CTDSPL2: variants seen among roughly 807,000 people sequenced by gnomAD.
CTDSPL2 encodes CTD small phosphatase like 2, also known as CTD small phosphatase-like protein 2.
Under a neutral mutation model 60.0 loss-of-function variants are expected in CTDSPL2, and 5 were observed. The observed-to-expected ratio is 0.08, with a 90% CI of 0.04 to 0.18. CTDSPL2 has a LOEUF of 0.18. Among genes scored for constraint, CTDSPL2 ranks in the 10% least tolerant of loss-of-function variants. The pLI is 1.00. For synonymous variants in CTDSPL2, 186 were observed against 189.3 expected (o/e 0.98, Z 0.14); for missense variants, 370 against 548.8 (o/e 0.67, Z 3.26).
At chr15:44,454,365 A>G (rs967357920) in intron 1 of CTDSPL2, among the ~76,000 whole-genome samples, 1 of 152,020 alleles carries the variant, frequency 6.6e-6, no homozygotes, top group African/African-American at 2.4e-5. Flanking sequence ...TTTTTCTCCC[A>G]TTCTGTAGGT....
intron 2 of CTDSPL2, among the ~76,000 whole-genome samples, chr15:44,478,258 G>C (rs1289633072): frequency 6.6e-6 from 1 of 151,290 alleles, no homozygotes; most frequent in Non-Finnish European, 1.5e-5. Flanking sequence ...GACCAGCCTG[G>C]CCAATATGGT....
chr15:44,519,538 A>G (rs1595783051), intron 11 of CTDSPL2: 1 of 321,716 alleles, frequency 3.1e-6, no homozygotes. Context: ...GATAAGCATC[A>G]TTGAATAGCA....
intron 8 of CTDSPL2, among the ~76,000 whole-genome samples, chr15:44,511,791 C>G (rs2081570025): frequency 2.1e-5 from 3 of 144,292 alleles, no homozygotes; most frequent in African/African-American, 7.9e-5. Context: ...TTGCTTGAAC[C>G]TGGGAGGCAG....
At chr15:44,519,554 A>G (rs1367255079) in intron 11 of CTDSPL2, 2 of 289,390 alleles carry the variant, frequency 6.9e-6, no homozygotes, top group Non-Finnish European at 1.3e-5. Context: ...TAGCATTCTT[A>G]TCAGTTATTA....
chr15:44,504,105 TG>T (rs1391083239), intron 8 of CTDSPL2, among the ~76,000 whole-genome samples: 1 of 152,056 alleles, frequency 6.6e-6, no homozygotes, highest in Non-Finnish European at 1.5e-5. Context: ...CCCAGCACTT[TG>T]GGAGGCGGAG....
intron 8 of CTDSPL2, among the ~76,000 whole-genome samples, chr15:44,510,545 A>G (rs1048360692): frequency 1.6e-4 from 24 of 152,236 alleles, no homozygotes; most frequent in African/African-American, 5.5e-4. Context: ...TTGAAGAAAC[A>G]TGTATACTAG....
At chr15:44,453,868 T>C (rs2080381113) in intron 1 of CTDSPL2, among the ~76,000 whole-genome samples, 1 of 152,148 alleles carries the variant, frequency 6.6e-6, no homozygotes, top group Admixed American at 6.5e-5. Context: ...CTATTGTGAA[T>C]AGTGCCGCAG....
chr15:44,433,768 G>C (rs1391778417), intron 1 of CTDSPL2, among the ~76,000 whole-genome samples: 1 of 151,592 alleles, frequency 6.6e-6, no homozygotes, highest in Non-Finnish European at 1.5e-5. Flanking sequence ...TGACCAACAT[G>C]GTAAAACCCC....
chr15:44,503,564 A>C (rs1394162219), intron 8 of CTDSPL2: 3 of 152,254 alleles, frequency 2.0e-5, no homozygotes, highest in Non-Finnish European at 4.4e-5. Context: ...CACCTCCTCA[A>C]TGACCTTCCT....
chr15:44,501,928 T>G (rs1312238945), intron 8 of CTDSPL2: 1 of 447,464 alleles, frequency 2.2e-6, no homozygotes, highest in Non-Finnish European at 4.5e-6. Flanking sequence ...GCAAGCTCCC[T>G]TTAAACAGGG....
intron 3 of CTDSPL2, among the ~76,000 whole-genome samples, chr15:44,485,199 G>A (rs2081097637): frequency 6.6e-6 from 1 of 152,212 alleles, no homozygotes; most frequent in African/African-American, 2.4e-5. Context: ...ACACAGGACA[G>A]CTCTTCAAAA....
intron 2 of CTDSPL2, among the ~76,000 whole-genome samples, chr15:44,483,509 A>G (rs755252832): frequency 1.1e-4 from 17 of 151,890 alleles, no homozygotes; most frequent in African/African-American, 2.9e-4. Context: ...CTGCACCCCA[A>G]CCTGGGCAAC....
At chr15:44,476,852 A>C (rs1053365784) in intron 2 of CTDSPL2, among the ~76,000 whole-genome samples, 1 of 152,208 alleles carries the variant, frequency 6.6e-6, no homozygotes, top group African/African-American at 2.4e-5. Context: ...ATTGCAAAAT[A>C]ATAATTTACT....
At chr15:44,506,025 C>CTTTTTTTTTTTTTTTTTTTTTTTT (rs753896129) in intron 8 of CTDSPL2, among the ~76,000 whole-genome samples, 14 of 117,576 alleles carry the variant, frequency 1.2e-4, no homozygotes, top group African/African-American at 2.5e-4. Flanking sequence ...TCATTGGTAA[C>CTTTTTTTTTTTTTTTTTTTTTTTT]TTTTTTTTTT....
At chr15:44,515,854 CAA>C (rs934052505) in intron 10 of CTDSPL2, among the ~76,000 whole-genome samples, 6 of 152,028 alleles carry the variant, frequency 3.9e-5, no homozygotes, top group South Asian at 2.1e-4. Flanking sequence ...GCCTGGGCAA[CAA>C]GAGCAAAACT....
chr15:44,489,628 T>C (rs1400191204), intron 4 of CTDSPL2, among the ~76,000 whole-genome samples: 1 of 152,126 alleles, frequency 6.6e-6, no homozygotes, highest in African/African-American at 2.4e-5. Flanking sequence ...TGAGTGAAGG[T>C]GGTTGGAGCT....
Position 44,524,770 on chromosome 15 carries a change from C to T in CTDSPL2, c.*596C>T, listed in dbSNP as rs2081845704. ...AGTTTTTTATTATACATTTGAATGG[C>T]CGTTTTCCTGCTTTGTCTGCCTGCA... is the stretch of plus-strand genomic sequence containing the variant. On this transcript the variant is annotated 3_prime_UTR_variant, in exon 13 of 13. Transcript: ENST00000260327. 1 of 152,572 alleles carries T rather than the reference C, an allele frequency of 6.6e-6. No individual in the cohort carries two copies. Among genetic ancestry groups the T allele is most frequent in the South Asian group, 2.1e-4 (1 of 4,828 alleles). 9.5% of individuals were successfully genotyped at this position (152,572 alleles called of 1,614,324 possible).
chr15:44,465,295 A>G (rs533321802), intron 2 of CTDSPL2, among the ~76,000 whole-genome samples: 1 of 152,210 alleles, frequency 6.6e-6, no homozygotes, highest in Non-Finnish European at 1.5e-5. Context: ...GTTTTCTACC[A>G]TGAATCTCTG....
At chr15:44,508,690 A>G (rs1316105049) in intron 8 of CTDSPL2, among the ~76,000 whole-genome samples, 1 of 152,180 alleles carries the variant, frequency 6.6e-6, no homozygotes, top group East Asian at 1.9e-4. Context: ...TGGGAGGCTG[A>G]GGCGGGTGGA....
Sources: allele counts gnomAD v4.1 joint callset (sites outside exome capture counted in the v4.1 genomes callset), GRCh38; gene constraint gnomAD v4.1.1; transcripts MANE v1.5; gene names NCBI Gene and HGNC (gene_info 2026-07-23, HGNC 2026-07-21).